SND1: variants seen among roughly 807,000 people sequenced by gnomAD.
The protein encoded by SND1 is staphylococcal nuclease and tudor domain containing 1, also known as staphylococcal nuclease domain-containing protein 1.
SND1 carries 38 observed loss-of-function variants against 121.7 expected under a neutral mutation model. The observed-to-expected ratio is 0.31, with a 90% CI of 0.24 to 0.41. The LOEUF is 0.41. SND1 is among the 10% of genes least tolerant of loss of function. The probability of loss-of-function intolerance (pLI) is 1.00; values close to 1 mark genes in which losing one functional copy is unlikely to be tolerated. For synonymous variants in SND1, 401 were observed against 447.4 expected (o/e 0.90, Z 1.31); for missense variants, 868 against 1,184.6 (o/e 0.73, Z 3.92).
intron 10 of SND1, among the ~76,000 whole-genome samples, chr7:127,786,303 T>G (rs1016444709): frequency 5.3e-5 from 8 of 152,232 alleles, no homozygotes; most frequent in Non-Finnish European, 1.0e-4. Context: ...TGCATTGCCC[T>G]TTTAATGGCT....
intron 12 of SND1, among the ~76,000 whole-genome samples, chr7:127,847,422 C>T (rs1799085961): frequency 6.6e-6 from 1 of 152,210 alleles, no homozygotes; most frequent in African/African-American, 2.4e-5. Flanking sequence ...TTTATAAACA[C>T]TAGCCAGAGA....
chr7:127,877,148 T>C (rs1203150425), intron 12 of SND1, among the ~76,000 whole-genome samples: 1 of 152,140 alleles, frequency 6.6e-6, no homozygotes, highest in Non-Finnish European at 1.5e-5. Flanking sequence ...ATAACCATGA[T>C]ATTGCTGAAT....
chr7:127,661,617 C>G (rs1795312503), intron 1 of SND1, among the ~76,000 whole-genome samples: 2 of 152,130 alleles, frequency 1.3e-5, no homozygotes, highest in African/African-American at 2.4e-5. Context: ...ATTCTCAGGT[C>G]TTACGAAGTC....
Position 127,963,370 on chromosome 7 carries a change from C to T in SND1, c.1670-27577C>T, listed in dbSNP as rs1801778927. On this transcript the variant is annotated intron_variant, in intron 15 of 23. Transcript: ENST00000354725. Reference sequence around the variant, plus strand: ...CTGCACCCACTAACTCGTCATCTAGCATTAGGTATATCTCCCAATGCTATC... The same window carrying T: ...CTGCACCCACTAACTCGTCATCTAGTATTAGGTATATCTCCCAATGCTATC... 2.1e-5 allele frequency among the ~76,000 whole-genome samples: 3 copies of T among 145,100 alleles called. No individual in the cohort carries two copies. In the South Asian group the frequency reaches 6.9e-4, roughly 33 times the overall value.
chr7:127,744,598 C>A (rs1263413907), intron 10 of SND1, among the ~76,000 whole-genome samples: 1 of 152,182 alleles, frequency 6.6e-6, no homozygotes, highest in Admixed American at 6.5e-5. Flanking sequence ...TTCTTCTTAG[C>A]TGCCCTATGC....
chr7:127,906,746 A>G (rs962965707), intron 14 of SND1, among the ~76,000 whole-genome samples: 2 of 152,184 alleles, frequency 1.3e-5, no homozygotes, highest in African/African-American at 4.8e-5. Context: ...CAGGCACACC[A>G]GTCTCAGGGT....
chr7:127,689,258 A>G (rs992262933), intron 2 of SND1, among the ~76,000 whole-genome samples: 2 of 152,234 alleles, frequency 1.3e-5, no homozygotes, highest in African/African-American at 4.8e-5. Flanking sequence ...GTACTGTTAG[A>G]TCAACCACTG....
chr7:127,699,023 C>T, intron 4 of SND1, 70 bp downstream of exon 4: 3 of 1,270,984 alleles, frequency 2.4e-6, no homozygotes, highest in East Asian at 4.7e-5. Flanking sequence ...TCATTCTTGC[C>T]CCCAGACATG....
At chr7:127,781,734 C>T (rs1350243794) in intron 10 of SND1, among the ~76,000 whole-genome samples, 2 of 152,032 alleles carry the variant, frequency 1.3e-5, no homozygotes, top group African/African-American at 4.8e-5. Flanking sequence ...TAGAGCTTTT[C>T]CTTCTGTTAT....
At chr7:127,828,560 C>T (rs541473209) in intron 11 of SND1, among the ~76,000 whole-genome samples, 1 of 152,246 alleles carries the variant, frequency 6.6e-6, no homozygotes, top group South Asian at 2.1e-4. Context: ...GTTATTGTAT[C>T]ATGATGCTTC....
chr7:127,694,231 A>C (rs1309278806), intron 2 of SND1, among the ~76,000 whole-genome samples: 1 of 152,216 alleles, frequency 6.6e-6, no homozygotes, highest in Non-Finnish European at 1.5e-5. Flanking sequence ...AATAAGGCTC[A>C]CTTGAGCAGG....
In SND1 at chr7:128,016,880, T is replaced by C. The variant is rs146678005; in HGVS notation, c.1779+25824T>C. 7.9e-5 allele frequency among the ~76,000 whole-genome samples: 12 copies of C among 152,382 alleles called. No individual in the cohort carries two copies. In the East Asian group the frequency reaches 2.3e-3, roughly 29 times the overall value. The stretch of plus-strand genomic sequence containing the variant: ...GACCAAATCTTAGTGATCTGCCTGC[T>C]TTTGTTTTTGATCCAGAAATTCTAG... On this transcript the variant is annotated intron_variant, in intron 16 of 23. Coordinates refer to ENST00000354725, the MANE Select transcript of SND1 (RefSeq NM_014390.4).
At chr7:127,923,536 G>A (rs531327513) in intron 14 of SND1, among the ~76,000 whole-genome samples, 13 of 152,134 alleles carry the variant, frequency 8.5e-5, no homozygotes, top group Non-Finnish European at 1.8e-4. Context: ...TCCTCCCCCC[G>A]CAGGGTTCCA....
intron 14 of SND1, among the ~76,000 whole-genome samples, chr7:127,919,474 C>T (rs559879442): frequency 5.3e-5 from 8 of 152,252 alleles, no homozygotes; most frequent in African/African-American, 1.9e-4. Flanking sequence ...TACCTCTTGC[C>T]TATAGAGACT....
chr7:128,054,731 C>T lies in SND1; in HGVS notation c.1780-19771C>T, dbSNP rs189562386. Among the ~76,000 whole-genome samples the T allele has an allele frequency of 2.6e-5, 4 of 152,306 alleles. No homozygotes were observed. In the South Asian group the frequency reaches 6.2e-4, roughly 24 times the overall value. On this transcript the variant is annotated intron_variant, in intron 16 of 23. Transcript: ENST00000354725. ...GGCTTTTCTCCCCACACATGAGGCA[C>T]TAAATCTTCCCTGCCTGCCTCGTGA...
At chr7:127,998,231 G>T in intron 16 of SND1, 1 of 316,108 alleles carries the variant, frequency 3.2e-6, no homozygotes. Flanking sequence ...ATTTGTCAGG[G>T]TGGGAGGAAA....
chr7:127,893,500 C>A (rs1408554712), intron 13 of SND1, among the ~76,000 whole-genome samples: 1 of 152,040 alleles, frequency 6.6e-6, no homozygotes, highest in Non-Finnish European at 1.5e-5. Context: ...TTTAAGGTAT[C>A]TTTTAATTCT....
intron 14 of SND1, among the ~76,000 whole-genome samples, chr7:127,909,344 G>C (rs1800408252): frequency 6.6e-6 from 1 of 152,116 alleles, no homozygotes; most frequent in African/African-American, 2.4e-5. Context: ...TGCTCCTTTG[G>C]ACGTTTAATC....
intron 8 of SND1, among the ~76,000 whole-genome samples, chr7:127,705,557 A>T (rs1796173464): frequency 6.6e-6 from 1 of 151,916 alleles, no homozygotes; most frequent in Non-Finnish European, 1.5e-5. Flanking sequence ...TCGACATTTC[A>T]ACTGTCAGCG....
Sources: allele counts gnomAD v4.1 joint callset (sites outside exome capture counted in the v4.1 genomes callset), GRCh38; gene constraint gnomAD v4.1.1; transcripts MANE v1.5; gene names NCBI Gene and HGNC (gene_info 2026-07-23, HGNC 2026-07-21).